Variants in AGMO observed in about 807,000 individuals in gnomAD.
AGMO encodes the protein glyceryl-ether monooxygenase.
A neutral mutation model predicts 60.2 loss-of-function variants in AGMO; 75 were observed. The observed-to-expected ratio is 1.25, with a 90% CI of 1.03 to 1.51. AGMO has a LOEUF of 1.51. AGMO is among the 40% of genes most tolerant of loss of function. The pLI, the probability that AGMO is intolerant of heterozygous loss-of-function variation, is 0.00. For missense variants in AGMO, 763 were observed against 525.5 expected (o/e 1.45, Z -4.42); for synonymous variants, 261 against 177.1 (o/e 1.47, Z -3.76).
At chr7:15,339,805 T>C (rs73064535) in intron 12 of AGMO, among the ~76,000 whole-genome samples, 2,099 of 152,348 alleles carry the variant, frequency 0.014, 26 homozygotes, top group Non-Finnish European at 0.023. Flanking sequence ...AGTTAGTTAA[T>C]GAAAGCATGA....
the AGMO span, among the ~76,000 whole-genome samples, chr7:15,148,225 TGTTA>T: frequency 6.6e-6 from 1 of 152,182 alleles, no homozygotes; most frequent in Non-Finnish European, 1.5e-5. Context: ...AGGGTAGATT[TGTTA>T]GTTAGTGGTA....
At position 15,387,443 on chromosome 7, in the gene AGMO, C is replaced by A. The variant is rs1275976307; in HGVS notation, c.920G>T (p.Gly307Val). ...TTCACTGAGACCAAGTCTTGGTTTACCTGGACCCCATCCCGGTCCCTTAAA... is the reference window on the plus strand; with the variant it reads ...TTCACTGAGACCAAGTCTTGGTTTAACTGGACCCCATCCCGGTCCCTTAAA... ...VIFKGPGWGP[G>V]KPRLGLSEEI... Residue 307 changes from glycine to valine, a missense_variant, in exon 9 of 13, where the codon GGT (glycine) becomes GTT (valine). Coordinates refer to ENST00000342526, the MANE Select transcript of AGMO (RefSeq NM_001004320.2). 1.9e-6 allele frequency: 3 copies of A among 1,614,014 alleles called. No individual in the cohort carries two copies. Among genetic ancestry groups the A allele is most frequent in the Non-Finnish European group, 2.5e-6 (3 of 1,179,968 alleles).
chr7:15,396,597 C>T (rs972371009), intron 5 of AGMO: 1 of 152,296 alleles, frequency 6.6e-6, no homozygotes, highest in East Asian at 1.9e-4. Flanking sequence ...GGATCGCCAG[C>T]TTTTATTCCC....
At chr7:15,451,580 C>A (rs1781857006) in intron 3 of AGMO, among the ~76,000 whole-genome samples, 1 of 151,974 alleles carries the variant, frequency 6.6e-6, no homozygotes, top group African/African-American at 2.4e-5. Context: ...TCTTTTATAT[C>A]ATAATTAATA....
intron 12 of AGMO, among the ~76,000 whole-genome samples, chr7:15,303,743 T>C (rs948646505): frequency 5.9e-5 from 9 of 152,042 alleles, no homozygotes; most frequent in Non-Finnish European, 8.8e-5. Flanking sequence ...AAATGAAATA[T>C]TAAGTTAGCC....
intron 12 of AGMO, among the ~76,000 whole-genome samples, chr7:15,299,264 G>T (rs556429007): frequency 6.6e-6 from 1 of 152,104 alleles, no homozygotes; most frequent in Non-Finnish European, 1.5e-5. Context: ...AAAGGTTATT[G>T]CTTCAGTGAA....
chr7:15,441,193 C>T (rs1302078867), intron 3 of AGMO, among the ~76,000 whole-genome samples: 1 of 152,194 alleles, frequency 6.6e-6, no homozygotes, highest in Non-Finnish European at 1.5e-5. Flanking sequence ...AGGGAGTTTA[C>T]TACACTTCTC....
chr7:15,223,243 T>C (rs1469080196), intron 12 of AGMO, among the ~76,000 whole-genome samples: 1 of 151,954 alleles, frequency 6.6e-6, no homozygotes, highest in Non-Finnish European at 1.5e-5. Flanking sequence ...TCTGACTTGA[T>C]CATTATTGCT....
chr7:15,240,442 C>CAG (rs1782556200), intron 12 of AGMO, among the ~76,000 whole-genome samples: 1 of 152,156 alleles, frequency 6.6e-6, no homozygotes, highest in East Asian at 1.9e-4. Flanking sequence ...TTTTCTATCT[C>CAG]AGTCATTTTG....
At chr7:15,393,375 T>C (rs1217253766) in intron 6 of AGMO, among the ~76,000 whole-genome samples, 2 of 152,244 alleles carry the variant, frequency 1.3e-5, no homozygotes, top group Non-Finnish European at 2.9e-5. Context: ...GTATTGTTTG[T>C]GAGATTTATT....
intron 5 of AGMO, among the ~76,000 whole-genome samples, chr7:15,414,471 C>CACAT (rs559139068): frequency 2.0e-4 from 27 of 138,436 alleles, no homozygotes; most frequent in African/African-American, 6.2e-4. Flanking sequence ...AGAATAGACA[C>CACAT]ACATACACAC....
intron 5 of AGMO, among the ~76,000 whole-genome samples, chr7:15,394,528 C>T (rs1340960564): frequency 6.6e-6 from 1 of 152,160 alleles, no homozygotes; most frequent in East Asian, 1.9e-4. Context: ...AGTAACATAT[C>T]TACATAATAA....
intron 10 of AGMO, among the ~76,000 whole-genome samples, chr7:15,376,991 G>T (rs1783484283): frequency 6.6e-6 from 1 of 152,042 alleles, no homozygotes; most frequent in Non-Finnish European, 1.5e-5. Flanking sequence ...AAACAAGTAA[G>T]TATTTATCTT....
chr7:15,400,058 T>A (rs1215734880), intron 5 of AGMO, among the ~76,000 whole-genome samples: 1 of 152,328 alleles, frequency 6.6e-6, no homozygotes, highest in South Asian at 2.1e-4. Context: ...CAGTTCTTTG[T>A]GCTAGTTACT....
chr7:15,271,488 A>T (rs1485895818), intron 12 of AGMO, among the ~76,000 whole-genome samples: 1 of 152,170 alleles, frequency 6.6e-6, no homozygotes, highest in African/African-American at 2.4e-5. Flanking sequence ...GATGTATAGC[A>T]ATATTAACTA....
intron 12 of AGMO, among the ~76,000 whole-genome samples, chr7:15,270,635 T>TTTTTTTTTTTTTTG (rs1563063233): frequency 1.7e-5 from 2 of 116,300 alleles, no homozygotes; most frequent in African/African-American, 6.8e-5. Flanking sequence ...TTTTTTTTTT[T>TTTTTTTTTTTTTTG]TTGCTGTGCA....
chr7:15,395,613 AG>A (rs1784341259), intron 5 of AGMO, among the ~76,000 whole-genome samples: 1 of 152,342 alleles, frequency 6.6e-6, no homozygotes, highest in East Asian at 1.9e-4. Context: ...GAAAAAACAA[AG>A]AAAAAAGGAC....
chr7:15,344,919 G>T (rs753212777), intron 12 of AGMO, among the ~76,000 whole-genome samples: 27 of 152,100 alleles, frequency 1.8e-4, no homozygotes, highest in Non-Finnish European at 3.1e-4. Flanking sequence ...GGAGACTGTT[G>T]TTTTCTTGAG....
At chr7:15,446,181 G>C (rs770680853) in intron 3 of AGMO, among the ~76,000 whole-genome samples, 3 of 152,294 alleles carry the variant, frequency 2.0e-5, no homozygotes, top group Admixed American at 2.0e-4. Flanking sequence ...GTAATGGATA[G>C]CTTGCCTTGA....
Sources: gnomAD v4.1 joint callset for allele counts (sites outside exome capture counted in the v4.1 genomes callset) on GRCh38, gnomAD v4.1.1 for gene constraint, MANE v1.5 for transcripts, NCBI Gene and HGNC (gene_info 2026-07-23, HGNC 2026-07-21) for gene names.